CTNNA2: variants seen among roughly 807,000 people sequenced by gnomAD.
CTNNA2 encodes the protein catenin alpha 2.
In CTNNA2, 42 loss-of-function variants were observed where a neutral mutation model predicts 101.0. That is an observed-to-expected ratio of 0.42 (90% CI 0.32 to 0.54). CTNNA2 has a LOEUF of 0.54. Among genes scored for constraint, CTNNA2 ranks in the 20% least tolerant of loss-of-function variants. CTNNA2 has a pLI of 0.14. For synonymous variants in CTNNA2, 450 were observed against 456.4 expected (o/e 0.99, Z 0.18); for missense variants, 871 against 1,223.1 (o/e 0.71, Z 4.29).
chr2:79,328,448 A>T (rs767899709), intron 3 of CTNNA2, among the ~76,000 whole-genome samples: 1 of 152,220 alleles, frequency 6.6e-6, no homozygotes, highest in Non-Finnish European at 1.5e-5. Context: ...GTCTGGCTAG[A>T]CATATGAATT....
chr2:79,206,976 G>A (rs1054801575), intron 2 of CTNNA2, among the ~76,000 whole-genome samples: 1 of 152,188 alleles, frequency 6.6e-6, no homozygotes, highest in South Asian at 2.1e-4. Context: ...TACCCTGAGT[G>A]TAGGTGACAG....
chr2:80,424,762 C>G (rs1002905797), intron 9 of CTNNA2, among the ~76,000 whole-genome samples: 1 of 152,160 alleles, frequency 6.6e-6, no homozygotes, highest in African/African-American at 2.4e-5. Context: ...TTTAACACCA[C>G]GAGACTGAGT....
At chr2:79,229,488 G>A (rs979190767) in intron 2 of CTNNA2, among the ~76,000 whole-genome samples, 4 of 152,288 alleles carry the variant, frequency 2.6e-5, no homozygotes, top group African/African-American at 9.6e-5. Flanking sequence ...CCATGATTGT[G>A]TGACCTTCCC....
At chr2:80,208,108 A>G (rs772095202) in intron 7 of CTNNA2, among the ~76,000 whole-genome samples, 4 of 152,204 alleles carry the variant, frequency 2.6e-5, no homozygotes, top group Non-Finnish European at 4.4e-5. Context: ...TCCCTGTGCT[A>G]GGGTACTTTG....
chr2:80,306,491 G>A (rs1375470157), intron 7 of CTNNA2, among the ~76,000 whole-genome samples: 1 of 127,374 alleles, frequency 7.9e-6, no homozygotes, highest in Non-Finnish European at 1.6e-5. Context: ...TGCCATTCTT[G>A]ATGATTGCCT....
chr2:79,670,974 G>T (rs1682796744), intron 2 of CTNNA2, among the ~76,000 whole-genome samples: 1 of 152,136 alleles, frequency 6.6e-6, no homozygotes, highest in Non-Finnish European at 1.5e-5. Context: ...ATAAATAAAA[G>T]GCTGAAAATT....
chr2:79,949,883 A>G (rs1396693894), intron 7 of CTNNA2, among the ~76,000 whole-genome samples: 1 of 152,208 alleles, frequency 6.6e-6, no homozygotes, highest in Non-Finnish European at 1.5e-5. Flanking sequence ...TAGTTATTTG[A>G]ATACCATCAG....
intron 9 of CTNNA2, among the ~76,000 whole-genome samples, chr2:80,422,323 A>T (rs1278102219): frequency 6.6e-6 from 1 of 152,172 alleles, no homozygotes; most frequent in Non-Finnish European, 1.5e-5. Context: ...CGATTCAGTT[A>T]TCTCCACCTG....
At chr2:79,766,215 G>A (rs1673144939) in intron 3 of CTNNA2, among the ~76,000 whole-genome samples, 2 of 152,084 alleles carry the variant, frequency 1.3e-5, no homozygotes, top group Admixed American at 6.6e-5. Context: ...GACAGGTCTG[G>A]TGTTAATGCG....
intron 7 of CTNNA2, among the ~76,000 whole-genome samples, chr2:80,049,290 G>C (rs1307048971): frequency 6.6e-6 from 1 of 152,040 alleles, no homozygotes; most frequent in Non-Finnish European, 1.5e-5. Flanking sequence ...TTGGCTCTGC[G>C]ACCCTGAAGT....
intron 2 of CTNNA2, among the ~76,000 whole-genome samples, chr2:79,220,746 T>C (rs1248425036): frequency 6.6e-6 from 1 of 152,084 alleles, no homozygotes; most frequent in Non-Finnish European, 1.5e-5. Context: ...CTCATAGAAA[T>C]CAATAAGTTA....
chr2:79,253,475 A>G (rs1212784518), intron 2 of CTNNA2, among the ~76,000 whole-genome samples: 7 of 152,330 alleles, frequency 4.6e-5, no homozygotes, highest in Admixed American at 3.3e-4. Flanking sequence ...GCCTGCATCT[A>G]TCTTCCAGGG....
chr2:80,193,570 A>T (rs1380703028), intron 7 of CTNNA2, among the ~76,000 whole-genome samples: 1 of 152,208 alleles, frequency 6.6e-6, no homozygotes, highest in African/African-American at 2.4e-5. Flanking sequence ...GATGGGATTC[A>T]TAGATTTTCT....
intron 4 of CTNNA2, among the ~76,000 whole-genome samples, chr2:79,405,632 T>C (rs1678333057): frequency 6.6e-6 from 1 of 152,058 alleles, no homozygotes; most frequent in Non-Finnish European, 1.5e-5. Context: ...GGCTTGTTAT[T>C]GTTTTTTTCC....
rs144976834 is a variant in CTNNA2, at chr2:79,727,152, TAAAGA to T, written c.103-17231_103-17227del. Reference sequence around the variant, plus strand: ...TTTTGCACATTCTGTATGAAAAATGTAAAGAAAATACATGGGAATTATGCATTGCT... The same window carrying T: ...TTTTGCACATTCTGTATGAAAAATGTAAATACATGGGAATTATGCATTGCT... On this transcript the variant is annotated intron_variant, in intron 2 of 18. Transcript: ENST00000402739. Among the ~76,000 whole-genome samples, 1,174 of 152,324 alleles carry T rather than the reference TAAAGA, an allele frequency of 7.7e-3. 5 individuals carry two copies. The highest frequency in any genetic ancestry group is 0.027 in the Middle Eastern group (8 of 294).
chr2:80,396,051 A>G lies in CTNNA2; in HGVS notation c.1137+2760A>G, dbSNP rs62141591. 2.5e-3 allele frequency among the ~76,000 whole-genome samples: 380 copies of G among 152,296 alleles called. 1 individual carries two copies. Among genetic ancestry groups the G allele is most frequent in the Non-Finnish European group, 4.1e-3 (277 of 68,028 alleles). Reference sequence around the variant, plus strand: ...AAAAGAAACAAAGTCAATCATGATCATTATCTTGGACTTTCCTAATGAAAG... The same window carrying G: ...AAAAGAAACAAAGTCAATCATGATCGTTATCTTGGACTTTCCTAATGAAAG... On this transcript the variant is annotated intron_variant, in intron 8 of 18. Coordinates refer to ENST00000402739, the MANE Select transcript of CTNNA2 (RefSeq NM_001282597.3).
intron 7 of CTNNA2, among the ~76,000 whole-genome samples, chr2:80,300,041 G>A (rs901283105): frequency 1.3e-5 from 2 of 152,024 alleles, no homozygotes; most frequent in Non-Finnish European, 2.9e-5. Context: ...ATCCCTGAGA[G>A]AATCTTTTTC....
intron 2 of CTNNA2, among the ~76,000 whole-genome samples, chr2:79,277,095 A>C (rs1427372001): frequency 6.6e-6 from 1 of 152,102 alleles, no homozygotes; most frequent in Non-Finnish European, 1.5e-5. Flanking sequence ...TCTCAGCAAA[A>C]GATAAAGAGC....
intron 7 of CTNNA2, among the ~76,000 whole-genome samples, chr2:80,290,916 G>T (rs529774667): frequency 6.6e-6 from 1 of 152,264 alleles, no homozygotes; most frequent in Admixed American, 6.5e-5. Flanking sequence ...CTAAACTGAC[G>T]ATGTCCTCAA....
Sources: gnomAD v4.1 joint callset for allele counts (sites outside exome capture counted in the v4.1 genomes callset) on GRCh38, gnomAD v4.1.1 for gene constraint, MANE v1.5 for transcripts, NCBI Gene and HGNC (gene_info 2026-07-23, HGNC 2026-07-21) for gene names.